The following TSEN15 variants were observed in gnomAD, a reference collection of about 807,000 sequenced individuals.
The protein encoded by TSEN15 is tRNA splicing endonuclease subunit 15.
A neutral mutation model predicts 20.5 loss-of-function variants in TSEN15; 10 were observed. That is an observed-to-expected ratio of 0.49 (90% CI 0.30 to 0.83). The LOEUF (loss-of-function observed/expected upper bound fraction) is 0.83. TSEN15 is among the 40% of genes least tolerant of loss of function. The pLI is 0.06. For missense variants in TSEN15, 180 were observed against 218.6 expected, an observed-to-expected ratio of 0.82 and a Z score of 1.11; for synonymous variants, 72 against 80.1, an observed-to-expected ratio of 0.90 and a Z score of 0.54.
intron 3 of TSEN15, among the ~76,000 whole-genome samples, chr1:184,066,646 T>C (rs1203323969): frequency 1.3e-5 from 2 of 152,158 alleles, no homozygotes; most frequent in Non-Finnish European, 1.5e-5. Context: ...CCTCAAGTGA[T>C]CCGCCTGCCT....
chr1:184,053,881 A>G (rs1650146651), intron 1 of TSEN15, among the ~76,000 whole-genome samples: 1 of 152,246 alleles, frequency 6.6e-6, no homozygotes, highest in Non-Finnish European at 1.5e-5. Context: ...AAGTTTTATT[A>G]AAAAGGTTTC....
chr1:184,089,467 C>T lies in TSEN15; in HGVS notation c.354-6223C>T, dbSNP rs77993306. Among the ~76,000 whole-genome samples, 281 of 152,198 alleles carry T rather than the reference C, an allele frequency of 1.8e-3. 3 individuals carry two copies. The East Asian group carries it at 0.024, about 13-fold the overall frequency. On this transcript the variant is annotated intron_variant, in intron 3 of 3. Transcript: ENST00000643231. ...TCCCCCTTTTAGGCACCTAAAACAG[C>T]AGACCATATGGAAAATGGCATATTC...
intron 3 of TSEN15, among the ~76,000 whole-genome samples, chr1:184,082,070 G>A (rs1002146077): frequency 5.9e-5 from 9 of 152,184 alleles, no homozygotes; most frequent in African/African-American, 1.9e-4. Context: ...GGTTTATGAA[G>A]AGCCTGGTGG....
intron 3 of TSEN15, among the ~76,000 whole-genome samples, chr1:184,083,584 T>A (rs1287991339): frequency 2.0e-5 from 3 of 152,204 alleles, no homozygotes; most frequent in Non-Finnish European, 4.4e-5. Flanking sequence ...CTTCTGTTGA[T>A]GACCACAGAT....
intron 1 of TSEN15, among the ~76,000 whole-genome samples, chr1:184,053,816 A>G (rs1326838272): frequency 6.6e-6 from 1 of 152,244 alleles, no homozygotes; most frequent in Admixed American, 6.5e-5. Flanking sequence ...GATTCTCTCC[A>G]TATACAAATA....
intron 3 of TSEN15, chr1:184,095,016 T>C (rs1161421207): frequency 2.5e-6 from 1 of 398,518 alleles, no homozygotes. Flanking sequence ...TTGCCTGTTT[T>C]ACACATTTAT....
chr1:184,075,911 T>TATATA (rs71297848), downstream of TSEN15, among the ~76,000 whole-genome samples: 306 of 102,776 alleles, frequency 3.0e-3, 1 homozygote, highest in African/African-American at 0.01. Flanking sequence ...TATATATATA[T>TATATA]TTTTTTTTTT....
chr1:184,095,540 G>T (rs1364929347), intron 3 of TSEN15: 4 of 392,998 alleles, frequency 1.0e-5, no homozygotes, highest in Non-Finnish European at 1.8e-5. Flanking sequence ...ATTAACAGAG[G>T]TCATGAGAGT....
At chr1:184,091,108 C>T (rs933809577) in intron 3 of TSEN15, among the ~76,000 whole-genome samples, 5 of 151,950 alleles carry the variant, frequency 3.3e-5, no homozygotes, top group Admixed American at 2.0e-4. Flanking sequence ...TCTGGCTGGT[C>T]GGATACTTAC....
chr1:184,056,811 T>G (rs1308846997), intron 3 of TSEN15, among the ~76,000 whole-genome samples: 2 of 152,168 alleles, frequency 1.3e-5, no homozygotes, highest in Admixed American at 1.3e-4. Context: ...AATTTGTTTC[T>G]GGGTTCTCTA....
chr1:184,062,739 G>GT (rs964498867), intron 3 of TSEN15, among the ~76,000 whole-genome samples: 2 of 151,174 alleles, frequency 1.3e-5, no homozygotes, highest in African/African-American at 2.4e-5. Flanking sequence ...TACTGGTAGG[G>GT]TTTTTTTTGT....
At chr1:184,070,873 A>G (rs572296957) in intron 3 of TSEN15, 2 of 191,082 alleles carry the variant, frequency 1.0e-5, no homozygotes, top group South Asian at 2.2e-4. Flanking sequence ...GACTAAGTCA[A>G]TTTCTGGGAT....
chr1:184,079,856 T>C lies in TSEN15; in HGVS notation c.354-15834T>C, dbSNP rs535669316. Among the ~76,000 whole-genome samples the C allele has an allele frequency of 1.7e-4, 26 of 152,202 alleles. 1 individual carries two copies. The highest frequency in any genetic ancestry group is 2.5e-4 in the Non-Finnish European group (17 of 68,038). ...TAGGGATACAAAGATTGGTGAGACATGACCTCTACCCTCAAGGAATTCAGA... is the reference window on the plus strand; with the variant it reads ...TAGGGATACAAAGATTGGTGAGACACGACCTCTACCCTCAAGGAATTCAGA... On this transcript the variant is annotated intron_variant, in intron 3 of 3. Transcript: ENST00000643231.
At chr1:184,095,474 G>A in intron 3 of TSEN15, 1 of 387,010 alleles carries the variant, frequency 2.6e-6, no homozygotes, top group Non-Finnish European at 4.6e-6. Context: ...ACACACTGAA[G>A]CTCTAATCTC....
chr1:184,066,277 A>G (rs1288003978), intron 3 of TSEN15, among the ~76,000 whole-genome samples: 1 of 137,762 alleles, frequency 7.3e-6, no homozygotes, highest in Non-Finnish European at 1.7e-5. Flanking sequence ...TTGGTCAAAG[A>G]TCAATTGACT....
intron 3 of TSEN15, among the ~76,000 whole-genome samples, chr1:184,057,932 C>T (rs952262460): frequency 3.3e-5 from 5 of 152,062 alleles, no homozygotes; most frequent in Non-Finnish European, 7.4e-5. Flanking sequence ...AGTCTTAATT[C>T]ATTCCTCAGA....
chr1:184,085,500 G>T (rs1651247217), intron 3 of TSEN15, among the ~76,000 whole-genome samples: 1 of 152,176 alleles, frequency 6.6e-6, no homozygotes, highest in South Asian at 2.1e-4. Flanking sequence ...GATGACAAAT[G>T]CTATGAAGAA....
Position 184,083,898 on chromosome 1 carries a change from C to T in TSEN15, c.354-11792C>T, listed in dbSNP as rs142926229. On this transcript the variant is annotated intron_variant, in intron 3 of 3. Coordinates refer to the TSEN15 transcript ENST00000643231. ...CATAGATCTTTCCTTCTCACCCTCA[C>T]GCTCATCACCCTCTTCCACCTCTAC... 1.8e-3 allele frequency among the ~76,000 whole-genome samples: 271 copies of T among 152,274 alleles called. 2 individuals are homozygous for T. The Middle Eastern group carries it at 0.024, about 13-fold the overall frequency.
Position 184,061,748 on chromosome 1 carries a change from T to C in TSEN15, c.353+6885T>C, listed in dbSNP as rs541955622. ...AGTGTTTAATGTTATATCTGTGTGCTATTCTAAGAATGCCTGAACAGTTTT... is the reference window on the plus strand; with the variant it reads ...AGTGTTTAATGTTATATCTGTGTGCCATTCTAAGAATGCCTGAACAGTTTT... On this transcript the variant is annotated intron_variant, in intron 3 of 4. Coordinates refer to ENST00000645668, the MANE Select transcript of TSEN15 (RefSeq NM_052965.4). Among the ~76,000 whole-genome samples, 196 of 152,296 alleles carry C rather than the reference T, an allele frequency of 1.3e-3. 1 individual carries two copies. The highest frequency in any genetic ancestry group is 4.5e-3 in the African/African-American group (188 of 41,574).
Sources: allele counts gnomAD v4.1 joint callset (sites outside exome capture counted in the v4.1 genomes callset), GRCh38; gene constraint gnomAD v4.1.1; transcripts MANE v1.5; gene names NCBI Gene and HGNC (gene_info 2026-07-23, HGNC 2026-07-21).